NAPRT: variants seen among roughly 807,000 people sequenced by gnomAD.
NAPRT encodes the protein nicotinate phosphoribosyltransferase.
Under a neutral mutation model 60.7 loss-of-function variants are expected in NAPRT, and 66 were observed. That is an observed-to-expected ratio of 1.09 (90% CI 0.89 to 1.33). The LOEUF is 1.33. Ranked by LOEUF, NAPRT falls within the 40% of genes most tolerant of loss-of-function variation. The pLI is 0.00. For synonymous variants in NAPRT, 405 were observed against 335.7 expected (o/e 1.21, Z -2.26); for missense variants, 818 against 731.5 (o/e 1.12, Z -1.36).
At chr8:143,572,883 G>A, downstream of NAPRT, 1 of 774,298 alleles carries the variant, frequency 1.3e-6, no homozygotes. Flanking sequence ...GGCCTTTGAG[G>A]GGCCCTCCTG....
chr8:143,578,209 T>C lies in NAPRT; in HGVS notation c.110A>G (p.Asp37Gly). Residue 37 changes from aspartate (D) to glycine (G), a missense_variant, in exon 1 of 13, where the codon GAC (aspartate) becomes GGC (glycine). By Grantham distance (94) the Asp-to-Gly change is moderately conservative. Transcript: ENST00000449291. ...LGYWRAGRAR[D>G]AAEFELFFRR... ...GAAGAAGAGCTCGAACTCGGCGGCG[T>C]CCCGCGCCCGGCCCGCGCGCCAATA... 2.0e-6 allele frequency: 3 copies of C among 1,503,600 alleles called. No homozygotes were observed. Among genetic ancestry groups the C allele is most frequent in the East Asian group, 2.7e-5 (1 of 36,914 alleles). The allele number at this position is 1,503,600 out of a possible 1,614,324, so 93.1% of individuals were successfully genotyped here. A position where few individuals can be genotyped will look rare whatever the true frequency, so the allele number is the denominator to read the frequency against.
In NAPRT at chr8:143,577,925, G is replaced by C. The variant is rs767888493; in HGVS notation, c.245C>G (p.Ser82Trp). 1 of 1,611,028 alleles carries C rather than the reference G, an allele frequency of 6.2e-7. No homozygotes were observed. Among genetic ancestry groups the C allele is most frequent in the Admixed American group, 1.7e-5 (1 of 59,936 alleles). ...LRDADVQFLA[S>W]VLPPDTDPAF... ...AGGATCCGTGTCTGGGGGCAGCACC[G>C]AGGCCAGGAACTGCACGTCTGGAAA... Residue 82 changes from serine to tryptophan, a missense_variant, in exon 2 of 13, where the codon TCG (serine) becomes TGG (tryptophan). By Grantham distance (177) the Ser-to-Trp change is radical. Coordinates refer to ENST00000449291, the MANE Select transcript of NAPRT (RefSeq NM_145201.6).
Position 143,576,674 on chromosome 8 carries a change from C to T in NAPRT, c.853G>A (p.Gly285Ser). The T allele has an allele frequency of 6.2e-7, 1 of 1,611,312 alleles. No individual in the cohort carries two copies. The highest frequency in any genetic ancestry group is 8.5e-7 in the Non-Finnish European group (1 of 1,179,368). The stretch of plus-strand genomic sequence containing the variant: ...CACACGCTGTAGGTGTCCAGGAGGC[C>T]CTGGAAGGCCCGGGGAAAAGCCAAG... The part of the protein sequence containing the change: ...YALAFPRAFQ[G>S]LLDTYSVWRS... The change falls in exon 6 of 13, where the codon GGC becomes AGC. Residue 285 changes from glycine (G) to serine (S), a missense_variant. Transcript: ENST00000449291.
In NAPRT at chr8:143,576,096, C is replaced by T; in HGVS notation, c.1089G>A (p.Leu363=). The change falls in exon 8 of 13, where the codon CTG becomes CTA. Residue 363 remains leucine, a synonymous_variant. Coordinates refer to ENST00000449291, the MANE Select transcript of NAPRT (RefSeq NM_145201.6). ...ACCCCACCTCCTGGGCCAGTCGGGC[C>T]AGCGCCTCCTCGTCAATGTTGTTGC... ...VVSNNIDEEA[L]ARLAQEGSEV... 1 of 1,602,550 alleles carries T rather than the reference C, an allele frequency of 6.2e-7. No homozygotes were observed. Among genetic ancestry groups the T allele is most frequent in the Admixed American group, 1.7e-5 (1 of 59,250 alleles).
chr8:143,574,403 G>T (rs777314026), downstream of NAPRT, among the ~76,000 whole-genome samples: 2 of 152,178 alleles, frequency 1.3e-5, no homozygotes, highest in Admixed American at 1.3e-4. Context: ...CTAGGCAGGC[G>T]TGGGAGCCCA....
In NAPRT at chr8:143,576,735, C is replaced by T. The variant is rs17853051; in HGVS notation, c.792G>A (p.Pro264=). 1.3e-4 allele frequency: 211 copies of T among 1,607,166 alleles called. No homozygotes were observed. The highest frequency in any genetic ancestry group is 7.6e-4 in the South Asian group (69 of 90,540). ...CAHLGLGVQE[P]HPGERAAFVA... ...CAAAGGCTGCCCGCTCGCCTGGATGCGGCTCCTGCACCCCCAGCCCCAGGT... is the reference window on the plus strand; with the variant it reads ...CAAAGGCTGCCCGCTCGCCTGGATGTGGCTCCTGCACCCCCAGCCCCAGGT... The change falls in exon 6 of 13, where the codon CCG becomes CCA. Residue 264 remains proline (P), a synonymous_variant. Transcript: ENST00000449291.
rs1221460781 is a variant in NAPRT at position 143,577,682 on chromosome 8, G to T, written c.412C>A (p.Leu138Met). 10 of 1,540,838 alleles carry T rather than the reference G, an allele frequency of 6.5e-6. No homozygotes were observed. In the East Asian group the frequency reaches 2.4e-4, roughly 38 times the overall value. The change falls in exon 3 of 13, where the codon CTG (leucine) becomes ATG (methionine). Residue 138 changes from leucine (L) to methionine (M), a missense_variant. By Grantham distance (15) the Leu-to-Met change is conservative. Coordinates refer to ENST00000449291, the MANE Select transcript of NAPRT (RefSeq NM_145201.6). The stretch of plus-strand genomic sequence containing the variant: ...CTGGCGTAGCTGACCAGGCAGAGCA[G>T]CGGTGTCTCCAGCAGCTGCACCACC... ...LLVVQLLETP[L>M]LCLVSYASLV...
At chr8:143,577,500 C>T in intron 3 of NAPRT, 101 bp from the exon 4 acceptor site, 1 of 1,467,718 alleles carries the variant, frequency 6.8e-7, no homozygotes, top group South Asian at 1.3e-5. Flanking sequence ...GGGAGCTCCA[C>T]CCTCACCCAG....
chr8:143,575,500 C>G lies in NAPRT; in HGVS notation c.1214G>C (p.Arg405Pro). ...CTCGGGGTCCTCGGTCAGCTTCATT[C>G]GTGGCTGGCCCCCCACGGCCACCAG... ...YKLVAVGGQP[R>P]MKLTEDPEKQ... Residue 405 changes from arginine to proline, a missense_variant, in exon 10 of 13, where the codon CGA becomes CCA. Arg to Pro is a moderately radical substitution (Grantham distance 103, BLOSUM62 -2). Transcript: ENST00000449291. 6.3e-7 allele frequency: 1 copy of G among 1,599,324 alleles called. No individual in the cohort carries two copies. Among genetic ancestry groups the G allele is most frequent in the South Asian group, 1.1e-5 (1 of 90,840 alleles).
chr8:143,575,618 C>T lies in NAPRT; in HGVS notation c.1188+4G>A. On this transcript the variant is annotated splice_donor_region_variant and intron_variant, in intron 9 of 12. Coordinates refer to ENST00000449291, the MANE Select transcript of NAPRT (RefSeq NM_145201.6). Reference sequence around the variant, plus strand: ...CCCACCTGGGCCCCCGACACTGTCCCTACCTTATAGACGCCACCCAGGGAA... The same window carrying T: ...CCCACCTGGGCCCCCGACACTGTCCTTACCTTATAGACGCCACCCAGGGAA... The T allele has an allele frequency of 6.3e-7, 1 of 1,592,286 alleles. No individual in the cohort carries two copies. Among genetic ancestry groups the T allele is most frequent in the Non-Finnish European group, 8.5e-7 (1 of 1,170,134 alleles).
In NAPRT at chr8:143,575,687, C is replaced by T. The variant is rs1824393994; in HGVS notation, c.1123G>A (p.Val375Ile). Residue 375 changes from valine to isoleucine, a missense_variant, in exon 9 of 13, where the codon GTC becomes ATC. Transcript: ENST00000449291. Reference protein sequence around the residue: ...RLAQEGSEVNVIGIGTSVVTC... With the variant: ...RLAQEGSEVNIIGIGTSVVTC... Reference sequence around the variant, plus strand: ...ACCACACTGGTGCCAATGCCAATGACATTCACCTCACTGCCCTGGGTGGGG... The same window carrying T: ...ACCACACTGGTGCCAATGCCAATGATATTCACCTCACTGCCCTGGGTGGGG... 1.9e-6 allele frequency: 3 copies of T among 1,588,420 alleles called. No individual in the cohort carries two copies. Among genetic ancestry groups the T allele is most frequent in the Non-Finnish European group, 2.6e-6 (3 of 1,168,248 alleles).
In NAPRT at chr8:143,575,712, G is replaced by A; in HGVS notation, c.1108-10C>T. The A allele has an allele frequency of 6.4e-7, 1 of 1,561,804 alleles. No homozygotes were observed. The highest frequency in any genetic ancestry group is 8.7e-7 in the Non-Finnish European group (1 of 1,153,428). Reference sequence around the variant, plus strand: ...CATTCACCTCACTGCCCTGGGTGGGGAAGGGGGTGGCCGTGAGCCCAGCTG... The same window carrying A: ...CATTCACCTCACTGCCCTGGGTGGGAAAGGGGGTGGCCGTGAGCCCAGCTG... On this transcript the variant is annotated splice_polypyrimidine_tract_variant and intron_variant, in intron 8 of 12. Coordinates refer to ENST00000449291, the MANE Select transcript of NAPRT (RefSeq NM_145201.6).
At position 143,576,586 on chromosome 8, in the gene NAPRT, T is replaced by C; in HGVS notation, c.882-14A>G. On this transcript the variant is annotated splice_polypyrimidine_tract_variant and intron_variant, in intron 6 of 12. Coordinates refer to ENST00000449291, the MANE Select transcript of NAPRT (RefSeq NM_145201.6). ...GGGAGACCACTCCTGCAGAAATAGATAAGGGAGTCAGAGGCTGCTGAGGTT... is the reference window on the plus strand; with the variant it reads ...GGGAGACCACTCCTGCAGAAATAGACAAGGGAGTCAGAGGCTGCTGAGGTT... The C allele has an allele frequency of 1.2e-6, 2 of 1,608,404 alleles. No homozygotes were observed. Among genetic ancestry groups the C allele is most frequent in the South Asian group, 1.1e-5 (1 of 90,752 alleles).
In NAPRT at chr8:143,577,079, C is replaced by T. The variant is rs373219862; in HGVS notation, c.667G>A (p.Glu223Lys). The change falls in exon 5 of 13, where the codon GAG (glutamate) becomes AAG (lysine). Residue 223 changes from glutamate (E) to lysine (K), a missense_variant. By Grantham distance (56) the Glu-to-Lys change is moderately conservative. Coordinates refer to ENST00000449291, the MANE Select transcript of NAPRT (RefSeq NM_145201.6). ...GGACTGACCGGGTCAGGGGGCACCT[C>T]GCTGCCTGAAAAGGAAGTGACGAAG... is the stretch of plus-strand genomic sequence containing the variant. ...HSFVTSFSGS[E>K]VPPDPMLAPA... is the part of the protein sequence containing the mutation. 22 of 1,612,810 alleles carry T rather than the reference C, an allele frequency of 1.4e-5. No individual in the cohort carries two copies. The highest frequency in any genetic ancestry group is 1.7e-5 in the Non-Finnish European group (20 of 1,179,892).
downstream of NAPRT, chr8:143,573,883 C>CACCCTGA (rs1410598478): frequency 2.0e-5 from 3 of 152,394 alleles, no homozygotes; most frequent in Non-Finnish European, 4.4e-5. Context: ...TGGTGCTGCC[C>CACCCTGA]ACCCTGAAGC....
rs1465283352 is a variant in NAPRT, at chr8:143,578,136, G to A, written c.183C>T (p.Arg61=). 2.6e-6 allele frequency: 4 copies of A among 1,521,816 alleles called. No homozygotes were observed. Among genetic ancestry groups the A allele is most frequent in the Non-Finnish European group, 3.5e-6 (4 of 1,140,966 alleles). 94.3% of individuals were successfully genotyped at this position (1,521,816 alleles called of 1,614,324 possible). A position where few individuals can be genotyped will look rare whatever the true frequency, so the allele number is the denominator to read the frequency against. Residue 61 remains arginine (R), a synonymous_variant, in exon 1 of 13, where the codon CGC becomes CGT. Transcript: ENST00000449291. ...AGGCGCGCAGGAAGCGCACACAGTC[G>A]CGCAAGCCGGCGGCCAAGGCGAAGG... The part of the protein sequence containing the change: ...GGAFALAAGL[R]DCVRFLRAFR...
intron 8 of NAPRT, among the ~76,000 whole-genome samples, 165 bp downstream of exon 8, chr8:143,575,913 G>GGGTGGCAGTGCCCTGGGTGGGGGAAGGA (rs1824421689): frequency 7.0e-6 from 1 of 142,834 alleles, no homozygotes; most frequent in Non-Finnish European, 1.5e-5. Context: ...GTGGGGAAGG[G>GGGTGGCAGTGCCCTGGGTGGGGGAAGGA]GGTGGCAGTG....
downstream of NAPRT, chr8:143,574,729 G>A (rs537267407): frequency 2.5e-5 from 34 of 1,343,986 alleles, no homozygotes; most frequent in Admixed American, 8.0e-5. Flanking sequence ...GCCGCAGCCC[G>A]GGAGGCGCAG....
At chr8:143,576,266 C>G (rs1824448008) in intron 7 of NAPRT, 104 bp from the exon 8 acceptor site, 1 of 1,382,130 alleles carries the variant, frequency 7.2e-7, no homozygotes, top group Admixed American at 2.4e-5. Context: ...GACACCTGTG[C>G]TCACCTTCTG....
Sources: allele counts gnomAD v4.1 joint callset (sites outside exome capture counted in the v4.1 genomes callset), GRCh38; gene constraint gnomAD v4.1.1; transcripts MANE v1.5; gene names NCBI Gene and HGNC (gene_info 2026-07-23, HGNC 2026-07-21).